PLEKHG5: variants seen among roughly 807,000 people sequenced by gnomAD.
PLEKHG5 encodes pleckstrin homology domain-containing family G member 5.
Under a neutral mutation model 103.8 loss-of-function variants are expected in PLEKHG5, and 52 were observed. The ratio of observed to expected loss-of-function variants is 0.50; its 90% CI spans 0.40 to 0.63. PLEKHG5 has a LOEUF of 0.63. Ranked by LOEUF, PLEKHG5 falls within the 30% of genes least tolerant of loss-of-function variation. The pLI is 0.00. For missense variants in PLEKHG5, 1,205 were observed against 1,347.6 expected (o/e 0.89, Z 1.66); for synonymous variants, 592 against 575.5 (o/e 1.03, Z -0.41).
chr1:6,502,937 G>A (rs1645312595), intron 1 of PLEKHG5, among the ~76,000 whole-genome samples: 1 of 152,206 alleles, frequency 6.6e-6, no homozygotes, highest in African/African-American at 2.4e-5. Context: ...GGGAGAGCTG[G>A]GGCAGGCACA....
chr1:6,471,860 A>C (rs910110014), intron 10 of PLEKHG5, 52 bp from the exon 11 acceptor site: 1 of 1,538,166 alleles, frequency 6.5e-7, no homozygotes, highest in South Asian at 1.2e-5. Context: ...TCTCAGCCCT[A>C]GGGCCCCACC....
intron 1 of PLEKHG5, among the ~76,000 whole-genome samples, chr1:6,482,794 C>T (rs747518377): frequency 5.9e-5 from 9 of 152,152 alleles, no homozygotes; most frequent in East Asian, 5.8e-4. Context: ...CTGCAACCTC[C>T]GCCTCCTGGG....
chr1:6,484,141 CA>C (rs1429784867), intron 1 of PLEKHG5, among the ~76,000 whole-genome samples: 2 of 152,374 alleles, frequency 1.3e-5, no homozygotes, highest in Admixed American at 1.3e-4. Flanking sequence ...ATCCAATATA[CA>C]GACAGCAGAT....
chr1:6,516,786 T>TATA (rs200942738), intron 1 of PLEKHG5, among the ~76,000 whole-genome samples: 3 of 85,258 alleles, frequency 3.5e-5, no homozygotes, highest in African/African-American at 1.1e-4. Flanking sequence ...TGTGTGTGTG[T>TATA]TATATATATG....
chr1:6,479,489 T>A (rs564737743), intron 1 of PLEKHG5, among the ~76,000 whole-genome samples: 1 of 152,174 alleles, frequency 6.6e-6, no homozygotes, highest in South Asian at 2.1e-4. Context: ...GGTTTCACCG[T>A]GTTAGCCAGG....
At chr1:6,481,475 G>A (rs1480852314) in intron 1 of PLEKHG5, among the ~76,000 whole-genome samples, 2 of 151,770 alleles carry the variant, frequency 1.3e-5, no homozygotes, top group African/African-American at 4.8e-5. Flanking sequence ...AGGTTGCAGT[G>A]AGCCGAGATT....
chr1:6,508,649 G>A (rs1029178003), intron 1 of PLEKHG5, among the ~76,000 whole-genome samples: 1 of 152,254 alleles, frequency 6.6e-6, no homozygotes, highest in Non-Finnish European at 1.5e-5. Flanking sequence ...CGATGCCGCT[G>A]ACAAACACGG....
chr1:6,517,926 GAT>G (rs1302950699), intron 1 of PLEKHG5, among the ~76,000 whole-genome samples: 1 of 151,962 alleles, frequency 6.6e-6, no homozygotes, highest in Non-Finnish European at 1.5e-5. Flanking sequence ...CGTCATGGCG[GAT>G]ATATATATAC....
At chr1:6,480,770 T>C (rs1217926640) in intron 1 of PLEKHG5, among the ~76,000 whole-genome samples, 2 of 151,638 alleles carry the variant, frequency 1.3e-5, no homozygotes, top group Non-Finnish European at 2.9e-5. Context: ...TGCCTCACCG[T>C]CCCAAGTAGC....
At position 6,468,278 on chromosome 1, in the gene PLEKHG5, G is replaced by C. The variant is rs773632158; in HGVS notation, c.2558C>G (p.Pro853Arg). 6.2e-7 allele frequency: 1 copy of C among 1,608,014 alleles called. No individual in the cohort carries two copies. Among genetic ancestry groups the C allele is most frequent in the African/African-American group, 1.3e-5 (1 of 74,882 alleles). Reference protein sequence around the residue: ...APESPRVPSPPPSPRLRRRTP... With the variant: ...APESPRVPSPRPSPRLRRRTP... ...GCGGCGGCGGAGACGGGGCGAGGGTGGAGGGGAAGGAACTCGTGGGGACTC... is the reference window on the plus strand; with the variant it reads ...GCGGCGGCGGAGACGGGGCGAGGGTCGAGGGGAAGGAACTCGTGGGGACTC... Residue 853 changes from proline (P) to arginine (R), a missense_variant, in exon 20 of 21, where the codon CCA (proline) becomes CGA (arginine). Coordinates refer to ENST00000377728, the MANE Select transcript of PLEKHG5 (RefSeq NM_020631.6).
At position 6,505,758 on chromosome 1, in the gene PLEKHG5, G is replaced by A. The variant is rs970036423; in HGVS notation, c.-164-9189C>T. On this transcript the variant is annotated intron_variant, in intron 1 of 21. Transcript: ENST00000377740. The surrounding 1 kb of genome is among the most constrained non-coding windows in gnomAD (Gnocchi z 4.2). ...AGGCAGAGGCCAGGCCTGAAGCCCA[G>A]TGCAGGGCCCACGCTGCCCAGCCAG... 1.3e-5 allele frequency among the ~76,000 whole-genome samples: 2 copies of A among 152,238 alleles called. No homozygotes were observed. The highest frequency in any genetic ancestry group is 4.8e-5 in the African/African-American group (2 of 41,476).
chr1:6,515,875 C>T (rs1638597955), intron 1 of PLEKHG5, among the ~76,000 whole-genome samples: 2 of 152,166 alleles, frequency 1.3e-5, no homozygotes, highest in South Asian at 4.1e-4. Context: ...GAGGGAAATG[C>T]CTGGTGACCA....
rs756933610 is a variant in PLEKHG5 at position 6,470,592 on chromosome 1, G to A, written c.1594C>T (p.Arg532Trp). ...IHHVNACMRQRQERQRLAAVV... is the reference protein window; with the variant it reads ...IHHVNACMRQWQERQRLAAVV... ...GCCGCCAGCCGCTGCCGCTCCTGCCGCTGCCGCATGCACGCGTTCACGTGG... is the reference window on the plus strand; with the variant it reads ...GCCGCCAGCCGCTGCCGCTCCTGCCACTGCCGCATGCACGCGTTCACGTGG... The change falls in exon 15 of 21, where the codon CGG becomes TGG. Residue 532 changes from arginine to tryptophan, a missense_variant. Physicochemically the swap from Arg to Trp is moderately radical, Grantham distance 101. Transcript: ENST00000377728. 15 of 1,602,302 alleles carry A rather than the reference G, an allele frequency of 9.4e-6. No homozygotes were observed. Among genetic ancestry groups the A allele is most frequent in the African/African-American group, 6.7e-5 (5 of 74,764 alleles).
intron 11 of PLEKHG5, 39 bp from the exon 12 acceptor site, chr1:6,471,676 G>C: frequency 6.4e-7 from 1 of 1,568,178 alleles, no homozygotes; most frequent in Non-Finnish European, 8.6e-7. Flanking sequence ...ACGCCCCTCC[G>C]CCAGGTTAGC....
chr1:6,498,151 G>A (rs893872149), upstream of PLEKHG5, among the ~76,000 whole-genome samples: 2 of 152,178 alleles, frequency 1.3e-5, no homozygotes, highest in Admixed American at 1.3e-4. Flanking sequence ...GAGTCTGCGG[G>A]GGCTCAGTGC....
At chr1:6,503,917 G>A (rs1298505085) in intron 1 of PLEKHG5, among the ~76,000 whole-genome samples, 1 of 152,218 alleles carries the variant, frequency 6.6e-6, no homozygotes, top group Non-Finnish European at 1.5e-5. Context: ...GGAGGGACCA[G>A]CAGGATGACT....
At chr1:6,489,036 C>T (rs913405358) in intron 1 of PLEKHG5, among the ~76,000 whole-genome samples, 3 of 152,122 alleles carry the variant, frequency 2.0e-5, no homozygotes, top group Non-Finnish European at 4.4e-5. Flanking sequence ...ACTTCCCTGT[C>T]CAGGAAAGGA....
In PLEKHG5 at chr1:6,516,525, C is replaced by CA. The variant is rs1557774524; in HGVS notation, c.-165+2919_-165+2920insT. Among the ~76,000 whole-genome samples, 10 of 151,478 alleles carry CA rather than the reference C, an allele frequency of 6.6e-5. No homozygotes were observed. In the South Asian group the frequency reaches 1.7e-3, roughly 25 times the overall value. On this transcript the variant is annotated intron_variant, in intron 1 of 21. Transcript: ENST00000377740. The stretch of plus-strand genomic sequence containing the variant: ...TACAAAAATTAGCTGGACGTGGTGG[C>CA]GGGCATCTGTAATCCCAGCTACTGG...
Position 6,470,527 on chromosome 1 carries a change from G to A in PLEKHG5, c.1659C>T (p.Ser553=). Residue 553 remains serine (S), a synonymous_variant, in exon 15 of 21, where the codon AGC becomes AGT. Transcript: ENST00000377728. The part of the protein sequence containing the change: ...SRIDAYEVVE[S]SSDEVDKLLK... ...CCACCTTGTCCACTTCGTCGCTGCT[G>A]CTTTCCACCACCTCGTAGGCGTCGA... 6.2e-7 allele frequency: 1 copy of A among 1,609,150 alleles called. No homozygotes were observed. The highest frequency in any genetic ancestry group is 8.5e-7 in the Non-Finnish European group (1 of 1,179,920).
Sources: allele counts gnomAD v4.1 joint callset (sites outside exome capture counted in the v4.1 genomes callset), GRCh38; gene constraint gnomAD v4.1.1; non-coding constraint Gnocchi (gnomAD v3.1); transcripts MANE v1.5; gene names NCBI Gene and HGNC (gene_info 2026-07-23, HGNC 2026-07-21).